Variants in UFM1 observed in about 807,000 individuals in gnomAD.
UFM1 encodes ubiquitin-fold modifier 1.
In UFM1, 9 loss-of-function variants were observed where a neutral mutation model predicts 15.4. That is an observed-to-expected ratio of 0.59 (90% CI 0.35 to 1.02). The LOEUF (loss-of-function observed/expected upper bound fraction) is 1.02. UFM1 is among the 50% of genes least tolerant of loss of function. The pLI is 0.02. For synonymous variants in UFM1, 27 were observed against 36.3 expected (o/e 0.74, Z 0.92); for missense variants, 98 against 104.7 (o/e 0.94, Z 0.28).
intron 3 of UFM1, among the ~76,000 whole-genome samples, chr13:38,357,708 A>G (rs73460283): frequency 0.088 from 13,300 of 151,948 alleles, 1,900 homozygotes; most frequent in African/African-American, 0.3. Flanking sequence ...GTATTTTGTT[A>G]TGTGTATTAT....
chr13:38,358,070 TA>T (rs67284300), intron 3 of UFM1, 22 bp from the exon 4 acceptor site: 265,557 of 626,258 alleles, frequency 0.42, 38,708 homozygotes, highest in Admixed American at 0.55. Flanking sequence ...TATATATATA[TA>T]TTTTTTTTTC....
chr13:38,359,463 C>A, intron 5 of UFM1, 130 bp downstream of exon 5: 1 of 876,720 alleles, frequency 1.1e-6, no homozygotes. Flanking sequence ...GGATTATATA[C>A]CAGTCTTTAC....
At chr13:38,350,825 A>G (rs17057850) in intron 2 of UFM1, among the ~76,000 whole-genome samples, 4,369 of 152,270 alleles carry the variant, frequency 0.029, 241 homozygotes, top group African/African-American at 0.1. Flanking sequence ...ATAAATTTCA[A>G]TGATTTACCA....
rs188907087 is a variant in UFM1, at chr13:38,356,581, T to G, written c.118-1512T>G. On this transcript the variant is annotated intron_variant, in intron 3 of 5. Coordinates refer to ENST00000239878, the MANE Select transcript of UFM1 (RefSeq NM_016617.4). Reference sequence around the variant, plus strand: ...TTTAAGGCCTTATTTTAAAAGTTGATTCTTCAATTTCTAATTTAAAATAAG... The same window carrying G: ...TTTAAGGCCTTATTTTAAAAGTTGAGTCTTCAATTTCTAATTTAAAATAAG... 1.2e-4 allele frequency among the ~76,000 whole-genome samples: 18 copies of G among 151,806 alleles called. No individual in the cohort carries two copies. In the East Asian group the frequency reaches 3.5e-3, roughly 29 times the overall value.
At chr13:38,354,451 T>C in intron 3 of UFM1, 155 bp downstream of exon 3, 1 of 468,658 alleles carries the variant, frequency 2.1e-6, no homozygotes, top group Non-Finnish European at 3.7e-6. Context: ...TAAGACTTAC[T>C]TTCAGATATA....
chr13:38,352,086 T>A (rs1335674229), intron 2 of UFM1, among the ~76,000 whole-genome samples: 1 of 144,068 alleles, frequency 6.9e-6, no homozygotes, highest in Non-Finnish European at 1.5e-5. Flanking sequence ...TGAAGTTTGT[T>A]TTTTTTTCTT....
intron 2 of UFM1, 163 bp downstream of exon 2, chr13:38,350,218 G>A (rs750105365): frequency 6.2e-7 from 1 of 1,610,158 alleles, no homozygotes; most frequent in South Asian, 1.1e-5. Context: ...ACCGGAGCCT[G>A]CGAGGAGAGG....
At chr13:38,349,978 C>T (rs372075200) in intron 1 of UFM1, 21 bp from the exon 2 acceptor site, 2 of 1,613,914 alleles carry the variant, frequency 1.2e-6, no homozygotes, top group African/African-American at 2.7e-5. Flanking sequence ...GACCCTGACT[C>T]TCTCCCGCTC....
chr13:38,354,574 T>C (rs1879011554), intron 3 of UFM1: 2 of 293,308 alleles, frequency 6.8e-6, no homozygotes, highest in African/African-American at 2.2e-5. Context: ...GTGCTGATTT[T>C]TAAATGTTTT....
At chr13:38,349,952 C>A (rs1197462818) in intron 1 of UFM1, 31 bp downstream of exon 1, 2 of 1,614,046 alleles carry the variant, frequency 1.2e-6, no homozygotes, top group East Asian at 2.2e-5. Flanking sequence ...TGCCATAATT[C>A]CTGGTCCAGC....
At position 38,354,255 on chromosome 13, in the gene UFM1, A is replaced by AG. The variant is rs754445570; in HGVS notation, c.77dup (p.Ser26ArgfsTer16). 3 of 1,609,942 alleles carry AG rather than the reference A, an allele frequency of 1.9e-6. No homozygotes were observed. The highest frequency in any genetic ancestry group is 2.5e-6 in the Non-Finnish European group (3 of 1,177,282). On this transcript the variant is annotated frameshift_variant, in exon 3 of 6. Transcript: ENST00000239878. LOFTEE classifies it high-confidence loss of function. ...TTCTTGCAGACTCAGTGTTCCTGAA[A>AG]GTACACCTTTCACAGCAGTCTTAAA...
chr13:38,360,283 TTA>T (rs1292196697), intron 5 of UFM1, among the ~76,000 whole-genome samples: 2 of 152,052 alleles, frequency 1.3e-5, no homozygotes, highest in African/African-American at 4.8e-5. Context: ...GCTTGTTTTA[TTA>T]TCTTTAAAAA....
rs1229605703 is a variant in UFM1 at position 38,363,018 on chromosome 13, CTTA to C, written c.*2247_*2249del. ...TATATTGTAAACCATATTGTCTGTT[CTTA>C]TTATTAGAGCTCTTAATCAGCACAC... On this transcript the variant is annotated 3_prime_UTR_variant, in exon 6 of 6. Transcript: ENST00000239878. 2.0e-5 allele frequency: 3 copies of C among 152,034 alleles called. No homozygotes were observed. The highest frequency in any genetic ancestry group is 2.1e-4 in the South Asian group (1 of 4,818). The allele number at this position is 152,034 out of a possible 1,614,324, so 9.4% of individuals were successfully genotyped here. A position where few individuals can be genotyped will look rare whatever the true frequency, so the allele number is the denominator to read the frequency against.
chr13:38,359,600 G>A (rs1485033492), intron 5 of UFM1: 1 of 268,046 alleles, frequency 3.7e-6, no homozygotes, highest in Admixed American at 5.1e-5. Context: ...CAAAAAGTCT[G>A]TAGATAAGAT....
chr13:38,359,251 C>A (rs1420633454), intron 4 of UFM1, 50 bp from the exon 5 acceptor site: 1 of 1,576,812 alleles, frequency 6.3e-7, no homozygotes, highest in African/African-American at 1.4e-5. Flanking sequence ...TACTATTTAA[C>A]CATTTTAGCT....
chr13:38,350,130 C>G (rs766682188), intron 2 of UFM1, 75 bp downstream of exon 2: 5 of 1,613,966 alleles, frequency 3.1e-6, no homozygotes, highest in South Asian at 2.2e-5. Context: ...CCGAGCTTTT[C>G]CAACAACTAC....
Position 38,363,070 on chromosome 13 carries a change from TGTA to T in UFM1, c.*2296_*2298del, listed in dbSNP as rs543090806. The T allele has an allele frequency of 5.8e-4, 89 of 152,236 alleles. No individual in the cohort carries two copies. Among genetic ancestry groups the T allele is most frequent in the African/African-American group, 1.9e-3 (81 of 41,544 alleles). The allele number at this position is 152,236 out of a possible 1,614,324, so 9.4% of individuals were successfully genotyped here. A position where few individuals can be genotyped will look rare whatever the true frequency, so the allele number is the denominator to read the frequency against. Reference sequence around the variant, plus strand: ...ACCTTTTGAGTCAGTATATAATACATGTAGTAAAGAAAAAAAGGGCAAAGATGA... The same window carrying T: ...ACCTTTTGAGTCAGTATATAATACATGTAAAGAAAAAAAGGGCAAAGATGA... On this transcript the variant is annotated 3_prime_UTR_variant, in exon 6 of 6. Coordinates refer to ENST00000239878, the MANE Select transcript of UFM1 (RefSeq NM_016617.4).
At chr13:38,353,549 A>C (rs1412776098) in intron 2 of UFM1, among the ~76,000 whole-genome samples, 5 of 152,026 alleles carry the variant, frequency 3.3e-5, no homozygotes, top group Non-Finnish European at 7.4e-5. Flanking sequence ...GAAAAAAAAA[A>C]TATATTTATT....
chr13:38,354,323 T>A (rs765937431), intron 3 of UFM1, 27 bp downstream of exon 3: 1 of 1,597,086 alleles, frequency 6.3e-7, no homozygotes, highest in Admixed American at 1.7e-5. Context: ...GAACAACCTT[T>A]ATGGAATGCG....
Sources: allele counts gnomAD v4.1 joint callset (sites outside exome capture counted in the v4.1 genomes callset), GRCh38; gene constraint gnomAD v4.1.1; transcripts MANE v1.5; gene names NCBI Gene and HGNC (gene_info 2026-07-23, HGNC 2026-07-21).